The following KIRREL3 variants were observed in gnomAD, a reference collection of about 807,000 sequenced individuals.
KIRREL3 encodes kin of IRRE-like protein 3.
In KIRREL3, 36 loss-of-function variants were observed where a neutral mutation model predicts 89.7. The observed-to-expected ratio is 0.40, with a 90% CI of 0.31 to 0.53. The LOEUF (loss-of-function observed/expected upper bound fraction) is 0.53, where lower values mean the gene tolerates loss of function less well. KIRREL3 is among the 20% of genes least tolerant of loss of function. The pLI, the probability that KIRREL3 is intolerant of heterozygous loss-of-function variation, is 0.49. For synonymous variants in KIRREL3, 445 were observed against 441.4 expected (o/e 1.01, Z -0.10); for missense variants, 864 against 1,056.6 (o/e 0.82, Z 2.53).
At chr11:126,810,773 A>G (rs1434230230) in intron 1 of KIRREL3, among the ~76,000 whole-genome samples, 2 of 152,338 alleles carry the variant, frequency 1.3e-5, no homozygotes, top group Non-Finnish European at 2.9e-5. Flanking sequence ...TGAAGACCTC[A>G]TGGACTACTG....
chr11:126,996,058 T>C lies in KIRREL3; in HGVS notation c.55+4397A>G, dbSNP rs548199174. ...CGTCCTCCCCCTAGGGACTTTCTTT[T>C]CCATCCTCAATAGGTCTGGCTGGCA... is the stretch of plus-strand genomic sequence containing the variant. On this transcript the variant is annotated intron_variant, in intron 1 of 16. Transcript: ENST00000525144. This position sits in a 1 kb window ranked among gnomAD's most constrained non-coding sequence, Gnocchi z 4.7. Among the ~76,000 whole-genome samples, 6 of 152,278 alleles carry C rather than the reference T, an allele frequency of 3.9e-5. No individual in the cohort carries two copies. The highest frequency in any genetic ancestry group is 3.9e-4 in the Admixed American group (6 of 15,304).
chr11:126,723,883 AT>A lies in KIRREL3; in HGVS notation c.56-160972del. ...ACTTTAAATGAAGGTAAAAACCATCATTGTTTTCTCTCTGCCTAGGGTTTTT... is the reference window on the plus strand; with the variant it reads ...ACTTTAAATGAAGGTAAAAACCATCATGTTTTCTCTCTGCCTAGGGTTTTT... On this transcript the variant is annotated intron_variant, in intron 1 of 16. Coordinates refer to ENST00000525144, the MANE Select transcript of KIRREL3 (RefSeq NM_032531.4). This position sits in a 1 kb window ranked among gnomAD's most constrained non-coding sequence, Gnocchi z 4.0. 6.6e-6 allele frequency among the ~76,000 whole-genome samples: 1 copy of A among 152,316 alleles called. No individual in the cohort carries two copies. Among genetic ancestry groups the A allele is most frequent in the East Asian group, 1.9e-4 (1 of 5,188 alleles).
intron 1 of KIRREL3, among the ~76,000 whole-genome samples, chr11:126,875,574 GC>G (rs1360464203): frequency 1.3e-5 from 2 of 152,138 alleles, no homozygotes; most frequent in African/African-American, 4.8e-5. Context: ...GAGGAGTCTG[GC>G]TTTTATCAGA....
At chr11:126,767,044 G>C (rs1376747941) in intron 1 of KIRREL3, among the ~76,000 whole-genome samples, 1 of 152,202 alleles carries the variant, frequency 6.6e-6, no homozygotes, top group African/African-American at 2.4e-5. Flanking sequence ...AGAGGTACAG[G>C]GCTGATTTAA....
chr11:126,966,064 C>T (rs1949261775), intron 1 of KIRREL3, among the ~76,000 whole-genome samples: 1 of 152,140 alleles, frequency 6.6e-6, no homozygotes, highest in African/African-American at 2.4e-5. Context: ...TTAGCTGATG[C>T]CAGGGTCTGA....
chr11:126,884,166 C>A (rs1034866406), intron 1 of KIRREL3, among the ~76,000 whole-genome samples: 1 of 152,180 alleles, frequency 6.6e-6, no homozygotes, highest in African/African-American at 2.4e-5. Context: ...GATTCACTTG[C>A]AGAGCTTGTT....
At position 126,430,477 on chromosome 11, in the gene KIRREL3, G is replaced by A. The variant is rs879354912; in HGVS notation, c.1696+942C>T. Among the ~76,000 whole-genome samples, 11 of 152,000 alleles carry A rather than the reference G, an allele frequency of 7.2e-5. No individual in the cohort carries two copies. The highest frequency in any genetic ancestry group is 1.3e-4 in the Non-Finnish European group (9 of 68,020). ...ACCGTATATATATGTGTATATATGC[G>A]TATGTGTATATATTTGTATGCTTCC... On this transcript the variant is annotated intron_variant, in intron 14 of 16. Coordinates refer to ENST00000525144, the MANE Select transcript of KIRREL3 (RefSeq NM_032531.4). The surrounding 1 kb of genome is among the most constrained non-coding windows in gnomAD (Gnocchi z 6.6).
intron 4 of KIRREL3, among the ~76,000 whole-genome samples, chr11:126,517,651 G>C (rs1043063603): frequency 7.9e-5 from 12 of 152,130 alleles, no homozygotes; most frequent in African/African-American, 1.4e-4. Context: ...TCTAAGCCTC[G>C]GTCACTGCGC....
chr11:126,892,578 C>T lies in KIRREL3; in HGVS notation c.55+107877G>A, dbSNP rs1945967433. On this transcript the variant is annotated intron_variant, in intron 1 of 16. Coordinates refer to ENST00000525144, the MANE Select transcript of KIRREL3 (RefSeq NM_032531.4). This position sits in a 1 kb window ranked among gnomAD's most constrained non-coding sequence, Gnocchi z 5.4. Reference sequence around the variant, plus strand: ...TGCTGAGCACAGCTAGAAGTAAGGCCTGGCTCTGTGCACGTGTGTGTGCAT... The same window carrying T: ...TGCTGAGCACAGCTAGAAGTAAGGCTTGGCTCTGTGCACGTGTGTGTGCAT... Among the ~76,000 whole-genome samples, 1 of 152,142 alleles carries T rather than the reference C, an allele frequency of 6.6e-6. No individual in the cohort carries two copies. Among genetic ancestry groups the T allele is most frequent in the African/African-American group, 2.4e-5 (1 of 41,426 alleles).
At position 126,424,581 on chromosome 11, in the gene KIRREL3, T is replaced by C. The variant is rs771677233; in HGVS notation, c.2336A>G (p.Ter779=). The part of the protein sequence containing the change: ...PLQRRMQTHV[*] ...GTCCCCACCCGCGGTGTGTGATCCT[T>C]AGACGTGAGTCTGCATCCGCCGCTG... is the stretch of plus-strand genomic sequence containing the variant. The change falls in exon 17 of 17, where the codon TAA becomes TGA. Residue 779 remains the stop codon, a stop_retained_variant. Coordinates refer to ENST00000525144, the MANE Select transcript of KIRREL3 (RefSeq NM_032531.4). 6.2e-7 allele frequency: 1 copy of C among 1,613,604 alleles called. No homozygotes were observed. Among genetic ancestry groups the C allele is most frequent in the Non-Finnish European group, 8.5e-7 (1 of 1,179,824 alleles).
rs1949619232 is a variant in KIRREL3, at chr11:126,977,703, A to C, written c.55+22752T>G. Among the ~76,000 whole-genome samples the C allele has an allele frequency of 1.3e-5, 2 of 152,228 alleles. No individual in the cohort carries two copies. The highest frequency in any genetic ancestry group is 4.8e-5 in the African/African-American group (2 of 41,458). On this transcript the variant is annotated intron_variant, in intron 1 of 16. Coordinates refer to ENST00000525144, the MANE Select transcript of KIRREL3 (RefSeq NM_032531.4). The surrounding 1 kb of genome is among the most constrained non-coding windows in gnomAD (Gnocchi z 4.7). Reference sequence around the variant, plus strand: ...GAGTTAGACTTGAGCCCAGAGTGACAGAGTCCCTTATTGATTTTTCCCCAA... The same window carrying C: ...GAGTTAGACTTGAGCCCAGAGTGACCGAGTCCCTTATTGATTTTTCCCCAA...
rs1270589804 is a variant in KIRREL3 at position 126,513,817 on chromosome 11, T to G, written c.433+7498A>C. On this transcript the variant is annotated intron_variant, in intron 4 of 16. Transcript: ENST00000525144. The surrounding 1 kb of genome is among the most constrained non-coding windows in gnomAD (Gnocchi z 5.9). ...AAGACCTCCAGGGAGACCTTCTATC[T>G]CATCTGGCCCCCAACAGCAACTACT... is the stretch of plus-strand genomic sequence containing the variant. Among the ~76,000 whole-genome samples the G allele has an allele frequency of 2.6e-5, 4 of 152,120 alleles. No homozygotes were observed. Among genetic ancestry groups the G allele is most frequent in the Non-Finnish European group, 5.9e-5 (4 of 68,014 alleles).
rs953456528 is a variant in KIRREL3, at chr11:126,766,583, A to G, written c.56-203671T>C. ...TGGGTCTTGGGGAACCATCCAAAAGAGATTATTGTGCCTCATGGTGGCGCC... is the reference window on the plus strand; with the variant it reads ...TGGGTCTTGGGGAACCATCCAAAAGGGATTATTGTGCCTCATGGTGGCGCC... On this transcript the variant is annotated intron_variant, in intron 1 of 16. Coordinates refer to ENST00000525144, the MANE Select transcript of KIRREL3 (RefSeq NM_032531.4). The surrounding 1 kb of genome is among the most constrained non-coding windows in gnomAD (Gnocchi z 4.2). Among the ~76,000 whole-genome samples, 5 of 152,016 alleles carry G rather than the reference A, an allele frequency of 3.3e-5. No homozygotes were observed. The highest frequency in any genetic ancestry group is 1.2e-4 in the African/African-American group (5 of 41,388).
At chr11:126,680,415 T>TATATATATATATATATATATATATACAC (rs551073557) in intron 1 of KIRREL3, among the ~76,000 whole-genome samples, 2 of 151,592 alleles carry the variant, frequency 1.3e-5, no homozygotes, top group African/African-American at 4.9e-5. Context: ...TATATATATA[T>TATATATATATATATATATATATATACAC]ACACATAGCC....
intron 1 of KIRREL3, among the ~76,000 whole-genome samples, chr11:126,644,456 C>G (rs995337177): frequency 6.6e-6 from 1 of 152,184 alleles, no homozygotes; most frequent in African/African-American, 2.4e-5. Context: ...TCGTGCATTT[C>G]AAGATGCAAA....
At position 126,711,497 on chromosome 11, in the gene KIRREL3, G is replaced by A. The variant is rs372219566; in HGVS notation, c.56-148585C>T. Among the ~76,000 whole-genome samples the A allele has an allele frequency of 2.3e-3, 357 of 152,298 alleles. 2 individuals are homozygous for A. The highest frequency in any genetic ancestry group is 8.3e-3 in the African/African-American group (347 of 41,558). On this transcript the variant is annotated intron_variant, in intron 1 of 16. Coordinates refer to ENST00000525144, the MANE Select transcript of KIRREL3 (RefSeq NM_032531.4). ...GAATCACTTGAACCCAGGAGGCAGA[G>A]GTTGCATGGAACTGAGATCGCGCCA...
In KIRREL3 at chr11:126,429,859, G is replaced by A. The variant is rs1369026151; in HGVS notation, c.1697-571C>T. ...GAGCTCTGTTAGAAAATTCTTGGCT[G>A]GGTGCGGTGGCTCACGCCTGTAATC... On this transcript the variant is annotated intron_variant, in intron 14 of 16. Transcript: ENST00000525144. The surrounding 1 kb of genome is among the most constrained non-coding windows in gnomAD (Gnocchi z 5.2). 2.0e-5 allele frequency among the ~76,000 whole-genome samples: 3 copies of A among 152,050 alleles called. No individual in the cohort carries two copies. The highest frequency in any genetic ancestry group is 6.6e-5 in the Admixed American group (1 of 15,266).
chr11:126,727,888 C>T (rs373464517), intron 1 of KIRREL3, among the ~76,000 whole-genome samples: 21 of 152,020 alleles, frequency 1.4e-4, no homozygotes, highest in African/African-American at 4.1e-4. Flanking sequence ...CAGTGGGATG[C>T]GGATCAGAAG....
In KIRREL3 at chr11:126,476,287, A is replaced by AG. The variant is rs1311665134; in HGVS notation, c.434-2822dup. Among the ~76,000 whole-genome samples, 1 of 152,162 alleles carries AG rather than the reference A, an allele frequency of 6.6e-6. No individual in the cohort carries two copies. Among genetic ancestry groups the AG allele is most frequent in the Non-Finnish European group, 1.5e-5 (1 of 68,008 alleles). On this transcript the variant is annotated intron_variant, in intron 4 of 16. Coordinates refer to ENST00000525144, the MANE Select transcript of KIRREL3 (RefSeq NM_032531.4). The surrounding 1 kb of genome is among the most constrained non-coding windows in gnomAD (Gnocchi z 6.4). ...GCATCAGGACTTTGGGGAGCTCCCC[A>AG]GGGGGTCCCATGGCAGGACCAGCTT...
Sources: gnomAD v4.1 joint callset for allele counts (sites outside exome capture counted in the v4.1 genomes callset) on GRCh38, gnomAD v4.1.1 for gene constraint, Gnocchi (gnomAD v3.1) non-coding constraint, MANE v1.5 for transcripts, NCBI Gene and HGNC (gene_info 2026-07-23, HGNC 2026-07-21) for gene names.